H2AC1: variants seen among roughly 807,000 people sequenced by gnomAD.
H2AC1 encodes the protein H2A clustered histone 1.
For synonymous variants in H2AC1, 145 were observed against 70.0 expected, an observed-to-expected ratio of 2.07 and a Z score of -5.35; for missense variants, 218 against 173.8, an observed-to-expected ratio of 1.25 and a Z score of -1.43.
chr6:25,726,064 A>G lies in H2AC1; in HGVS notation c.*68T>C. On this transcript the variant is annotated 3_prime_UTR_variant, in exon 1 of 1. Transcript: ENST00000297012. ...ACGTACAGCCTTTTTCTGAGACGGT[A>G]GGTGGCTCTGAAAAGAGCCTTTTGT... The G allele has an allele frequency of 7.3e-7, 1 of 1,370,298 alleles. No homozygotes were observed. Among genetic ancestry groups the G allele is most frequent in the Non-Finnish European group, 9.9e-7 (1 of 1,007,450 alleles). The allele number at this position is 1,370,298 out of a possible 1,614,324, so 84.9% of individuals were successfully genotyped here. A position where few individuals can be genotyped will look rare whatever the true frequency, so the allele number is the denominator to read the frequency against.
At position 25,726,410 on chromosome 6, in the gene H2AC1, A is replaced by C. The variant is rs750454175; in HGVS notation, c.118T>G (p.Tyr40Asp). ...RIHRLLRKGN[Y>D]AERIGAGAPV... The stretch of plus-strand genomic sequence containing the variant: ...GCGCCTGCCCCTATCCGCTCTGCAT[A>C]GTTTCCCTTACGAAGCAGACGATGG... Residue 40 changes from tyrosine to aspartate, a missense_variant, in exon 1 of 1, where the codon TAT becomes GAT. By Grantham distance (160) the Tyr-to-Asp change is radical. Coordinates refer to ENST00000297012, the MANE Select transcript of H2AC1 (RefSeq NM_170745.3). 1 of 1,613,998 alleles carries C rather than the reference A, an allele frequency of 6.2e-7. No homozygotes were observed. The highest frequency in any genetic ancestry group is 1.3e-5 in the African/African-American group (1 of 74,922).
Position 25,726,433 on chromosome 6 carries a change from T to A in H2AC1, c.95A>T (p.His32Leu). 1 of 1,614,092 alleles carries A rather than the reference T, an allele frequency of 6.2e-7. No individual in the cohort carries two copies. The highest frequency in any genetic ancestry group is 8.5e-7 in the Non-Finnish European group (1 of 1,180,028). ...ATAGTTTCCCTTACGAAGCAGACGA[T>A]GGATCCGGCCTACGGGAAACTGCAA... ...AGLQFPVGRI[H>L]RLLRKGNYAE... The change falls in exon 1 of 1, where the codon CAT (histidine) becomes CTT (leucine). Residue 32 changes from histidine (H) to leucine (L), a missense_variant. His to Leu is a moderately conservative substitution (Grantham distance 99, BLOSUM62 -3). Coordinates refer to ENST00000297012, the MANE Select transcript of H2AC1 (RefSeq NM_170745.3).
Position 25,726,214 on chromosome 6 carries a change from TG to T in H2AC1, c.313del (p.Gln105ArgfsTer?). 1 of 1,611,522 alleles carries T rather than the reference TG, an allele frequency of 6.2e-7. No homozygotes were observed. Among genetic ancestry groups the T allele is most frequent in the Admixed American group, 1.7e-5 (1 of 59,940 alleles). On this transcript the variant is annotated frameshift_variant, in exon 1 of 1. Coordinates refer to ENST00000297012, the MANE Select transcript of H2AC1 (RefSeq NM_170745.3). LOFTEE classifies it high-confidence loss of function. ...CTGAATGTTAGGCAGGACTCCGCCC[TG>T]GGCAATGGTCACGCCGCCCAAAAGC... ...NKLLGGVTIA[Q>X]GGVLPNIQAV...
Position 25,726,529 on chromosome 6 carries a change from T to C in H2AC1, c.-2A>G, listed in dbSNP as rs754685212. ...TCCCTGCTTCCCTCGTCCAGACATC[T>C]CCTCGCATCAAATTGCAGCAACACG... On this transcript the variant is annotated 5_prime_UTR_variant, in exon 1 of 1. Coordinates refer to ENST00000297012, the MANE Select transcript of H2AC1 (RefSeq NM_170745.3). The C allele has an allele frequency of 7.5e-6, 12 of 1,603,382 alleles. No homozygotes were observed. The East Asian group carries it at 1.1e-4, about 15-fold the overall frequency.
In H2AC1 at chr6:25,726,113, T is replaced by C. The variant is rs757976662; in HGVS notation, c.*19A>G. The C allele has an allele frequency of 8.0e-6, 12 of 1,506,270 alleles. No homozygotes were observed. Among genetic ancestry groups the C allele is most frequent in the Non-Finnish European group, 9.8e-6 (11 of 1,127,092 alleles). 93.3% of individuals were successfully genotyped at this position (1,506,270 alleles called of 1,614,324 possible). A position where few individuals can be genotyped will look rare whatever the true frequency, so the allele number is the denominator to read the frequency against. ...GTTTTTTCTGACACAGAAGTCTTTTTACCAATGACAACCTTAAGTTACTTG... is the reference window on the plus strand; with the variant it reads ...GTTTTTTCTGACACAGAAGTCTTTTCACCAATGACAACCTTAAGTTACTTG... On this transcript the variant is annotated 3_prime_UTR_variant, in exon 1 of 1. Transcript: ENST00000297012.
In H2AC1 at chr6:25,726,119, T is replaced by C. The variant is rs372965867; in HGVS notation, c.*13A>G. 97 of 1,509,106 alleles carry C rather than the reference T, an allele frequency of 6.4e-5. No homozygotes were observed. Among genetic ancestry groups the C allele is most frequent in the Non-Finnish European group, 8.2e-5 (93 of 1,128,886 alleles). The allele number at this position is 1,509,106 out of a possible 1,614,324, so 93.5% of individuals were successfully genotyped here. On this transcript the variant is annotated 3_prime_UTR_variant, in exon 1 of 1. Coordinates refer to ENST00000297012, the MANE Select transcript of H2AC1 (RefSeq NM_170745.3). ...TCTGACACAGAAGTCTTTTTACCAA[T>C]GACAACCTTAAGTTACTTGCTTTGG...
In H2AC1 at chr6:25,726,421, C is replaced by G. The variant is rs371440858; in HGVS notation, c.107G>C (p.Arg36Pro). Residue 36 changes from arginine to proline, a missense_variant, in exon 1 of 1, where the codon CGT (arginine) becomes CCT (proline). Transcript: ENST00000297012. Reference protein sequence around the residue: ...FPVGRIHRLLRKGNYAERIGA... With the variant: ...FPVGRIHRLLPKGNYAERIGA... The stretch of plus-strand genomic sequence containing the variant: ...TATCCGCTCTGCATAGTTTCCCTTA[C>G]GAAGCAGACGATGGATCCGGCCTAC... 2.5e-6 allele frequency: 4 copies of G among 1,614,012 alleles called. No individual in the cohort carries two copies. The highest frequency in any genetic ancestry group is 3.4e-6 in the Non-Finnish European group (4 of 1,180,034).
In H2AC1 at chr6:25,726,171, C is replaced by A. The variant is rs765641279; in HGVS notation, c.357G>T (p.Lys119Asn). The A allele has an allele frequency of 6.3e-7, 1 of 1,579,348 alleles. No homozygotes were observed. Among genetic ancestry groups the A allele is most frequent in the Non-Finnish European group, 8.6e-7 (1 of 1,160,176 alleles). Reference protein sequence around the residue: ...LPNIQAVLLPKKTESHHHKAQ... With the variant: ...LPNIQAVLLPNKTESHHHKAQ... ...CTTTATGGTGGTGACTCTCAGTCTT[C>A]TTGGGCAGCAGCACTGCCTGAATGT... Residue 119 changes from lysine (K) to asparagine (N), a missense_variant, in exon 1 of 1, where the codon AAG (lysine) becomes AAT (asparagine). Lys to Asn is a moderately conservative substitution (Grantham distance 94). Coordinates refer to ENST00000297012, the MANE Select transcript of H2AC1 (RefSeq NM_170745.3).
Position 25,726,397 on chromosome 6 carries a change from A to G in H2AC1, c.131T>C (p.Ile44Thr). The G allele has an allele frequency of 3.7e-6, 6 of 1,614,158 alleles. No homozygotes were observed. Among genetic ancestry groups the G allele is most frequent in the Non-Finnish European group, 5.1e-6 (6 of 1,180,024 alleles). ...LLRKGNYAER[I>T]GAGAPVYLAA... is the part of the protein sequence containing the mutation. Reference sequence around the variant, plus strand: ...CAAATACACTGGTGCGCCTGCCCCTATCCGCTCTGCATAGTTTCCCTTACG... The same window carrying G: ...CAAATACACTGGTGCGCCTGCCCCTGTCCGCTCTGCATAGTTTCCCTTACG... Residue 44 changes from isoleucine (I) to threonine (T), a missense_variant, in exon 1 of 1, where the codon ATA (isoleucine) becomes ACA (threonine). Physicochemically the swap from Ile to Thr is moderately conservative, Grantham distance 89. Transcript: ENST00000297012.
chr6:25,726,546 A>C lies in H2AC1; in HGVS notation c.-19T>G, dbSNP rs4711095. On this transcript the variant is annotated 5_prime_UTR_variant, in exon 1 of 1. Coordinates refer to ENST00000297012, the MANE Select transcript of H2AC1 (RefSeq NM_170745.3). ...CAGACATCTCCTCGCATCAAATTGCAGCAACACGAGAACCACATTTCTAGG... is the reference window on the plus strand; with the variant it reads ...CAGACATCTCCTCGCATCAAATTGCCGCAACACGAGAACCACATTTCTAGG... 477,696 of 1,593,674 alleles carry C rather than the reference A, an allele frequency of 0.3. 79,458 individuals carry two copies. Among genetic ancestry groups the C allele is most frequent in the East Asian group, 0.71 (31,703 of 44,530 alleles).
chr6:25,726,231 G>A lies in H2AC1; in HGVS notation c.297C>T (p.Gly99=), dbSNP rs367946056. 32 of 1,613,224 alleles carry A rather than the reference G, an allele frequency of 2.0e-5. No homozygotes were observed. Among genetic ancestry groups the A allele is most frequent in the Admixed American group, 1.8e-4 (11 of 59,992 alleles). The change falls in exon 1 of 1, where the codon GGC becomes GGT. Residue 99 remains glycine (G), a synonymous_variant. Transcript: ENST00000297012. ...CTCCGCCCTGGGCAATGGTCACGCC[G>A]CCCAAAAGCTTATTGAGTTCCTCAT... is the stretch of plus-strand genomic sequence containing the variant. ...RNDEELNKLL[G]GVTIAQGGVL...
In H2AC1 at chr6:25,726,516, T is replaced by C; in HGVS notation, c.12A>G (p.Arg4=). Residue 4 remains arginine (R), a synonymous_variant, in exon 1 of 1, where the codon CGA becomes CGG. Transcript: ENST00000297012. ...CGCGTGCTTTTCCTCCCTGCTTCCC[T>C]CGTCCAGACATCTCCTCGCATCAAA... The part of the protein sequence containing the change: MSG[R]GKQGGKARAK... 6.2e-7 allele frequency: 1 copy of C among 1,609,944 alleles called. No individual in the cohort carries two copies. Among genetic ancestry groups the C allele is most frequent in the Non-Finnish European group, 8.5e-7 (1 of 1,177,042 alleles).
At position 25,726,505 on chromosome 6, in the gene H2AC1, C is replaced by G; in HGVS notation, c.23G>C (p.Gly8Ala). MSGRGKQ[G>A]GKARAKSKSR... ...CTTAGACTTGGCGCGTGCTTTTCCT[C>G]CCTGCTTCCCTCGTCCAGACATCTC... The change falls in exon 1 of 1, where the codon GGA becomes GCA. Residue 8 changes from glycine to alanine, a missense_variant. By Grantham distance (60) the Gly-to-Ala change is moderately conservative. Transcript: ENST00000297012. 6.2e-7 allele frequency: 1 copy of G among 1,610,860 alleles called. No homozygotes were observed. The highest frequency in any genetic ancestry group is 8.5e-7 in the Non-Finnish European group (1 of 1,177,660).
rs529086208 is a variant in H2AC1, at chr6:25,726,167, T to A, written c.361A>T (p.Thr121Ser). 3 of 1,573,440 alleles carry A rather than the reference T, an allele frequency of 1.9e-6. No individual in the cohort carries two copies. The highest frequency in any genetic ancestry group is 1.4e-5 in the African/African-American group (1 of 73,436). The change falls in exon 1 of 1, where the codon ACT becomes TCT. Residue 121 changes from threonine to serine, a missense_variant. Thr to Ser is a moderately conservative substitution (Grantham distance 58). Coordinates refer to ENST00000297012, the MANE Select transcript of H2AC1 (RefSeq NM_170745.3). ...NIQAVLLPKK[T>S]ESHHHKAQSK ...TGGGCTTTATGGTGGTGACTCTCAG[T>A]CTTCTTGGGCAGCAGCACTGCCTGA...
rs9467583 is a variant in H2AC1, at chr6:25,726,393, C to T, written c.135G>A (p.Gly45=). The T allele has an allele frequency of 0.25, 410,690 of 1,613,876 alleles. 53,956 individuals are homozygous for T. Among genetic ancestry groups the T allele is most frequent in the African/African-American group, 0.3 (22,562 of 74,918 alleles). ...CCGCCAAATACACTGGTGCGCCTGCCCCTATCCGCTCTGCATAGTTTCCCT... is the reference window on the plus strand; with the variant it reads ...CCGCCAAATACACTGGTGCGCCTGCTCCTATCCGCTCTGCATAGTTTCCCT... ...LRKGNYAERI[G]AGAPVYLAAV... The change falls in exon 1 of 1, where the codon GGG becomes GGA. Residue 45 remains glycine, a synonymous_variant. Coordinates refer to ENST00000297012, the MANE Select transcript of H2AC1 (RefSeq NM_170745.3).
Position 25,726,473 on chromosome 6 carries a change from A to T in H2AC1, c.55T>A (p.Ser19Thr), listed in dbSNP as rs771851789. ...GKARAKSKSR[S>T]SRAGLQFPVG... ...GGAAACTGCAAACCCGCTCTAGAAG[A>T]GCGAGACTTAGACTTGGCGCGTGCT... Residue 19 changes from serine (S) to threonine (T), a missense_variant, in exon 1 of 1, where the codon TCT (serine) becomes ACT (threonine). Ser to Thr is a moderately conservative substitution (Grantham distance 58). Coordinates refer to ENST00000297012, the MANE Select transcript of H2AC1 (RefSeq NM_170745.3). 6 of 1,613,706 alleles carry T rather than the reference A, an allele frequency of 3.7e-6. No individual in the cohort carries two copies. The South Asian group carries it at 6.6e-5, about 18-fold the overall frequency.
chr6:25,726,240 C>G lies in H2AC1; in HGVS notation c.288G>C (p.Lys96Asn). The stretch of plus-strand genomic sequence containing the variant: ...GGGCAATGGTCACGCCGCCCAAAAG[C>G]TTATTGAGTTCCTCATCATTGCGGA... Reference protein sequence around the residue: ...LAIRNDEELNKLLGGVTIAQG... With the variant: ...LAIRNDEELNNLLGGVTIAQG... Residue 96 changes from lysine to asparagine, a missense_variant, in exon 1 of 1, where the codon AAG becomes AAC. Physicochemically the swap from Lys to Asn is moderately conservative, Grantham distance 94. Coordinates refer to ENST00000297012, the MANE Select transcript of H2AC1 (RefSeq NM_170745.3). 6.2e-7 allele frequency: 1 copy of G among 1,613,872 alleles called. No individual in the cohort carries two copies. The highest frequency in any genetic ancestry group is 1.1e-5 in the South Asian group (1 of 91,050).
At position 25,726,112 on chromosome 6, in the gene H2AC1, T is replaced by G. The variant is rs148811117; in HGVS notation, c.*20A>C. 6.6e-7 allele frequency: 1 copy of G among 1,505,908 alleles called. No homozygotes were observed. The highest frequency in any genetic ancestry group is 1.4e-5 in the South Asian group (1 of 71,550). 93.3% of individuals were successfully genotyped at this position (1,505,908 alleles called of 1,614,324 possible). A position where few individuals can be genotyped will look rare whatever the true frequency, so the allele number is the denominator to read the frequency against. On this transcript the variant is annotated 3_prime_UTR_variant, in exon 1 of 1. Transcript: ENST00000297012. ...TGTTTTTTCTGACACAGAAGTCTTT[T>G]TACCAATGACAACCTTAAGTTACTT...
In H2AC1 at chr6:25,726,124, A is replaced by T. The variant is rs1187965612; in HGVS notation, c.*8T>A. On this transcript the variant is annotated 3_prime_UTR_variant, in exon 1 of 1. Coordinates refer to ENST00000297012, the MANE Select transcript of H2AC1 (RefSeq NM_170745.3). ...CACAGAAGTCTTTTTACCAATGACA[A>T]CCTTAAGTTACTTGCTTTGGGCTTT... 7 of 1,515,268 alleles carry T rather than the reference A, an allele frequency of 4.6e-6. No individual in the cohort carries two copies. The highest frequency in any genetic ancestry group is 6.2e-6 in the Non-Finnish European group (7 of 1,132,298). 93.9% of individuals were successfully genotyped at this position (1,515,268 alleles called of 1,614,324 possible). A position where few individuals can be genotyped will look rare whatever the true frequency, so the allele number is the denominator to read the frequency against.
Sources: gnomAD v4.1 joint callset for allele counts on GRCh38, gnomAD v4.1.1 for gene constraint, MANE v1.5 for transcripts, NCBI Gene and HGNC (gene_info 2026-07-23, HGNC 2026-07-21) for gene names.